The following PRKAG2 variants were observed in gnomAD, a reference collection of about 807,000 sequenced individuals.
The protein encoded by PRKAG2 is protein kinase AMP-activated non-catalytic subunit gamma 2, also known as 5'-AMP-activated protein kinase subunit gamma-2.
Under a neutral mutation model 69.6 loss-of-function variants are expected in PRKAG2, and 26 were observed. That is an observed-to-expected ratio of 0.37 (90% confidence interval 0.27 to 0.52). The LOEUF is 0.52. Among genes scored for constraint, PRKAG2 ranks in the 20% least tolerant of loss-of-function variants. The pLI is 0.90. For synonymous variants in PRKAG2, 293 were observed against 285.0 expected (o/e 1.03, Z -0.28); for missense variants, 557 against 740.0 (o/e 0.75, Z 2.87).
chr7:151,582,661 C>T (rs1040529827), intron 6 of PRKAG2, among the ~76,000 whole-genome samples: 3 of 152,216 alleles, frequency 2.0e-5, no homozygotes, highest in Non-Finnish European at 4.4e-5. Flanking sequence ...TTCAACTTCT[C>T]GTTTTCCACA....
rs772360020 is a variant in PRKAG2, at chr7:151,777,914, C to T, written c.466+3238G>A. Reference sequence around the variant, plus strand: ...CATGCAGGTGTAGTTTCTATGATCTCGTACTGCTCTGGGGTCATGGAGCCA... The same window carrying T: ...CATGCAGGTGTAGTTTCTATGATCTTGTACTGCTCTGGGGTCATGGAGCCA... On this transcript the variant is annotated intron_variant, in intron 3 of 15. Coordinates refer to ENST00000287878, the MANE Select transcript of PRKAG2 (RefSeq NM_016203.4). This position sits in a 1 kb window ranked among gnomAD's most constrained non-coding sequence, Gnocchi z 4.3. Among the ~76,000 whole-genome samples, 4 of 152,146 alleles carry T rather than the reference C, an allele frequency of 2.6e-5. No homozygotes were observed. Among genetic ancestry groups the T allele is most frequent in the South Asian group, 2.1e-4 (1 of 4,830 alleles).
rs1246802528 is a variant in PRKAG2 at position 151,845,205 on chromosome 7, C to T, written c.114+31302G>A. On this transcript the variant is annotated intron_variant, in intron 1 of 15. Transcript: ENST00000287878. ...CCTCTTCACCCCGACAGCCTCTTCT[C>T]CTCGTCTGTGGCCTGCTTGAGCCAG... 2.0e-5 allele frequency among the ~76,000 whole-genome samples: 3 copies of T among 152,048 alleles called. 1 individual carries two copies. The highest frequency in any genetic ancestry group is 4.8e-5 in the African/African-American group (2 of 41,408).
intron 4 of PRKAG2, among the ~76,000 whole-genome samples, chr7:151,647,829 A>G (rs1827821685): frequency 1.3e-5 from 2 of 152,234 alleles, no homozygotes; most frequent in African/African-American, 2.4e-5. Context: ...GGTTGGCTGC[A>G]GGAGAGCCTG....
rs1824931820 is a variant in PRKAG2, at chr7:151,632,563, C to CCGCT, written c.685-429_685-426dup. 7.1e-6 allele frequency: 7 copies of CCGCT among 984,666 alleles called. No homozygotes were observed. The highest frequency in any genetic ancestry group is 8.4e-6 in the Non-Finnish European group (7 of 829,622). The allele number at this position is 984,666 out of a possible 1,614,324, so 61.0% of individuals were successfully genotyped here. ...CCCGCCCCCACTCCGCCCCCCGGCG[C>CCGCT]CGCTCACCTTCCCAGCACCGGCGGC... On this transcript the variant is annotated intron_variant, in intron 4 of 15. Coordinates refer to ENST00000287878, the MANE Select transcript of PRKAG2 (RefSeq NM_016203.4). The surrounding 1 kb of genome is among the most constrained non-coding windows in gnomAD (Gnocchi z 4.2).
At position 151,841,249 on chromosome 7, in the gene PRKAG2, A is replaced by G. The variant is rs145918310; in HGVS notation, c.114+35258T>C. ...GTGATCCTCCCATCTCAGCCTCCCA[A>G]AGTTCTGGGATTACAGGCATGAGCC... On this transcript the variant is annotated intron_variant, in intron 1 of 15. Transcript: ENST00000287878. Among the ~76,000 whole-genome samples, 40 of 152,248 alleles carry G rather than the reference A, an allele frequency of 2.6e-4. No homozygotes were observed. The East Asian group carries it at 6.8e-3, about 26-fold the overall frequency.
In PRKAG2 at chr7:151,556,663, T is replaced by C. The variant is rs1204213762; in HGVS notation, c.*538A>G. 6.4e-6 allele frequency: 1 copy of C among 155,892 alleles called. No homozygotes were observed. The highest frequency in any genetic ancestry group is 1.9e-4 in the South Asian group (1 of 5,270). 9.7% of individuals were successfully genotyped at this position (155,892 alleles called of 1,614,324 possible). On this transcript the variant is annotated 3_prime_UTR_variant, in exon 16 of 16. Coordinates refer to ENST00000287878, the MANE Select transcript of PRKAG2 (RefSeq NM_016203.4). ...GGTAGCCCAGAACAAAACACTTACG[T>C]GTAAAAGTGTCATTACAATTTTAAA...
intron 3 of PRKAG2, among the ~76,000 whole-genome samples, chr7:151,698,287 C>T (rs1837036133): frequency 6.6e-6 from 1 of 152,196 alleles, no homozygotes; most frequent in Non-Finnish European, 1.5e-5. Flanking sequence ...TCAGCTGTCC[C>T]CACTGTCCCT....
At position 151,770,223 on chromosome 7, in the gene PRKAG2, T is replaced by C. The variant is rs543471593; in HGVS notation, c.466+10929A>G. On this transcript the variant is annotated intron_variant, in intron 3 of 15. Coordinates refer to ENST00000287878, the MANE Select transcript of PRKAG2 (RefSeq NM_016203.4). ...CTTCCTGATAAGAGACCCCTGACCA[T>C]GGAGTGGCTCTGACTAGCCTATGGA... Among the ~76,000 whole-genome samples the C allele has an allele frequency of 3.9e-5, 6 of 152,300 alleles. No homozygotes were observed. In the South Asian group the frequency reaches 6.2e-4, roughly 16 times the overall value.
intron 5 of PRKAG2, among the ~76,000 whole-genome samples, chr7:151,628,478 T>C (rs1008793892): frequency 1.3e-5 from 2 of 152,172 alleles, no homozygotes; most frequent in African/African-American, 4.8e-5. Flanking sequence ...TTAGGGAGAC[T>C]GCAGCCGGCA....
At chr7:151,692,442 G>A (rs1020212496) in intron 3 of PRKAG2, among the ~76,000 whole-genome samples, 1 of 152,210 alleles carries the variant, frequency 6.6e-6, no homozygotes, top group African/African-American at 2.4e-5. Flanking sequence ...TGCTGAGGAT[G>A]AGGGGAGAAA....
Position 151,836,364 on chromosome 7 carries a change from T to TG in PRKAG2, c.114+40142dup. Among the ~76,000 whole-genome samples the TG allele has an allele frequency of 6.6e-6, 1 of 152,118 alleles. No individual in the cohort carries two copies. ...TGGATTCTCAAGAGGGGCGAGAGAA[T>TG]GGGGTGGTGGCTGCCCCAGGCCAGC... On this transcript the variant is annotated intron_variant, in intron 1 of 15. Coordinates refer to ENST00000287878, the MANE Select transcript of PRKAG2 (RefSeq NM_016203.4). This position sits in a 1 kb window ranked among gnomAD's most constrained non-coding sequence, Gnocchi z 4.1.
rs1405245771 is a variant in PRKAG2 at position 151,777,815 on chromosome 7, G to A, written c.466+3337C>T. ...TGAAACCAACTGTTCCTTGCTCAGG[G>A]ACTGAAAACCAGCTTTGTGAGATGA... On this transcript the variant is annotated intron_variant, in intron 3 of 15. Transcript: ENST00000287878. The surrounding 1 kb of genome is among the most constrained non-coding windows in gnomAD (Gnocchi z 4.3). Among the ~76,000 whole-genome samples, 1 of 152,170 alleles carries A rather than the reference G, an allele frequency of 6.6e-6. No homozygotes were observed. The highest frequency in any genetic ancestry group is 1.5e-5 in the Non-Finnish European group (1 of 68,042).
At chr7:151,758,342 C>T (rs1336809485) in intron 3 of PRKAG2, among the ~76,000 whole-genome samples, 1 of 152,316 alleles carries the variant, frequency 6.6e-6, no homozygotes, top group Non-Finnish European at 1.5e-5. Flanking sequence ...TCTGGGAAGA[C>T]AGTCGCTTCC....
chr7:151,827,300 G>C (rs911304789), intron 1 of PRKAG2, among the ~76,000 whole-genome samples: 1 of 152,012 alleles, frequency 6.6e-6, no homozygotes, highest in East Asian at 1.9e-4. Context: ...GTGCAGTGGC[G>C]CAATCTCAGC....
At chr7:151,587,168 G>A (rs894239566) in intron 6 of PRKAG2, among the ~76,000 whole-genome samples, 2 of 152,254 alleles carry the variant, frequency 1.3e-5, no homozygotes, top group African/African-American at 4.8e-5. Context: ...TTGGCAAACA[G>A]CCACTTATTT....
chr7:151,822,396 G>A (rs897187401), intron 1 of PRKAG2, among the ~76,000 whole-genome samples: 1 of 152,204 alleles, frequency 6.6e-6, no homozygotes, highest in African/African-American at 2.4e-5. Context: ...TGACCACGAT[G>A]TACCCAGCGC....
At chr7:151,648,041 C>T (rs1827850735) in intron 4 of PRKAG2, among the ~76,000 whole-genome samples, 1 of 152,030 alleles carries the variant, frequency 6.6e-6, no homozygotes, top group Non-Finnish European at 1.5e-5. Flanking sequence ...ATCTGTTAAA[C>T]TTCAGCTATT....
chr7:151,571,941 T>G (rs927440068), intron 9 of PRKAG2, among the ~76,000 whole-genome samples: 9 of 152,308 alleles, frequency 5.9e-5, no homozygotes, highest in African/African-American at 2.2e-4. Context: ...TTTCTACCAG[T>G]GTTTCCTTGA....
chr7:151,865,718 A>G (rs2080048402), intron 1 of PRKAG2, among the ~76,000 whole-genome samples: 1 of 152,246 alleles, frequency 6.6e-6, no homozygotes, highest in Non-Finnish European at 1.5e-5. Context: ...AGAGACTGGA[A>G]CCTATGAAAG....
Sources: allele counts gnomAD v4.1 joint callset (sites outside exome capture counted in the v4.1 genomes callset), GRCh38; gene constraint gnomAD v4.1.1; non-coding constraint Gnocchi (gnomAD v3.1); transcripts MANE v1.5; gene names NCBI Gene and HGNC (gene_info 2026-07-23, HGNC 2026-07-21).